Variants in TMPRSS5 observed in about 807,000 individuals in gnomAD.
TMPRSS5 encodes transmembrane serine protease 5, also known as transmembrane protease serine 5.
Under a neutral mutation model 59.7 loss-of-function variants are expected in TMPRSS5, and 45 were observed. The ratio of observed to expected loss-of-function variants is 0.75; its 90% CI spans 0.59 to 0.97. The LOEUF (loss-of-function observed/expected upper bound fraction) is 0.97, where lower values mean the gene tolerates loss of function less well. TMPRSS5 is among the 50% of genes least tolerant of loss of function. The pLI is 0.00. For missense variants in TMPRSS5, 585 were observed against 596.7 expected, an observed-to-expected ratio of 0.98 and a Z score of 0.20; for synonymous variants, 225 against 232.0, an observed-to-expected ratio of 0.97 and a Z score of 0.27.
intron 10 of TMPRSS5, 148 bp from the exon 11 acceptor site, chr11:113,690,521 G>T: frequency 8.0e-7 from 1 of 1,257,730 alleles, no homozygotes; most frequent in Non-Finnish European, 1.1e-6. Flanking sequence ...GAGCAAGGAA[G>T]CAGTAGGCTA....
chr11:113,694,987 A>G (rs1454496314), intron 7 of TMPRSS5, among the ~76,000 whole-genome samples: 2 of 152,194 alleles, frequency 1.3e-5, no homozygotes, highest in Admixed American at 6.5e-5. Context: ...GGGAAGACCA[A>G]TGAAAGGAAC....
chr11:113,696,930 AGTTTGATGTCAGTGAG>A lies in TMPRSS5; in HGVS notation c.490_505del (p.Leu164SerfsTer50). The A allele has an allele frequency of 6.3e-7, 1 of 1,582,058 alleles. No homozygotes were observed. The highest frequency in any genetic ancestry group is 1.2e-5 in the South Asian group (1 of 86,042). ...CTGAGCAAACTCCTGGGAACTGTTGAGTTTGATGTCAGTGAGGTTTACTCCCTTGTGGTGAGTGAGT... is the reference window on the plus strand; with the variant it reads ...CTGAGCAAACTCCTGGGAACTGTTGAGTTTACTCCCTTGTGGTGAGTGAGT... On this transcript the variant is annotated frameshift_variant, in exon 6 of 13. Transcript: ENST00000299882. LOFTEE classifies it high-confidence loss of function.
chr11:113,700,153 C>A lies in TMPRSS5; in HGVS notation c.19G>T (p.Asp7Tyr). The A allele has an allele frequency of 6.4e-7, 1 of 1,572,554 alleles. No individual in the cohort carries two copies. The highest frequency in any genetic ancestry group is 8.6e-7 in the Non-Finnish European group (1 of 1,157,340). Residue 7 changes from aspartate (D) to tyrosine (Y), a missense_variant, in exon 2 of 13, where the codon GAC becomes TAC. Physicochemically the swap from Asp to Tyr is radical, Grantham distance 160. Coordinates refer to ENST00000299882, the MANE Select transcript of TMPRSS5 (RefSeq NM_030770.4). Reference sequence around the variant, plus strand: ...TACTGGGCCTCCATAGGGGGTTGGTCATCCAGCATCAGGCTCTGGGGAAAT... The same window carrying A: ...TACTGGGCCTCCATAGGGGGTTGGTAATCCAGCATCAGGCTCTGGGGAAAT... MSLMLD[D>Y]QPPMEAQYAE... is the part of the protein sequence containing the mutation.
chr11:113,701,462 T>C (rs1372963632), intron 1 of TMPRSS5, among the ~76,000 whole-genome samples: 2 of 147,924 alleles, frequency 1.4e-5, no homozygotes, highest in Admixed American at 6.9e-5. Flanking sequence ...CCTAGAGATC[T>C]GTGGAACTTT....
intron 9 of TMPRSS5, 44 bp downstream of exon 9, chr11:113,693,022 CTCTCT>C: frequency 3.3e-6 from 5 of 1,496,988 alleles, no homozygotes; most frequent in Non-Finnish European, 3.6e-6. Flanking sequence ...AGCCCCCGCC[CTCTCT>C]CGCCATAGTC....
At position 113,690,894 on chromosome 11, in the gene TMPRSS5, G is replaced by A. The variant is rs201233178; in HGVS notation, c.1010C>T (p.Pro337Leu). ...VCLPAKEQHF[P>L]KGSRCWVSGW... is the part of the protein sequence containing the mutation. The stretch of plus-strand genomic sequence containing the variant: ...AGACACCCAGCACCGCGAGCCCTTC[G>A]GAAAATGCTGTTCCTTGGCCGGCAG... The change falls in exon 10 of 13, where the codon CCG (proline) becomes CTG (leucine). Residue 337 changes from proline to leucine, a missense_variant. By Grantham distance (98) the Pro-to-Leu change is moderately conservative. Transcript: ENST00000299882. 732 of 1,597,912 alleles carry A rather than the reference G, an allele frequency of 4.6e-4. No homozygotes were observed. Among genetic ancestry groups the A allele is most frequent in the Admixed American group, 1.5e-3 (84 of 57,446 alleles).
chr11:113,693,016 C>T (rs45613933), intron 9 of TMPRSS5, 55 bp downstream of exon 9: 1 of 1,358,604 alleles, frequency 7.4e-7, no homozygotes, highest in Non-Finnish European at 1.0e-6. Flanking sequence ...CCACCCAGCC[C>T]CCGCCCTCTC....
intron 1 of TMPRSS5, among the ~76,000 whole-genome samples, chr11:113,701,923 C>T (rs1297708022): frequency 6.6e-6 from 1 of 152,032 alleles, no homozygotes; most frequent in Non-Finnish European, 1.5e-5. Flanking sequence ...TGTATGCATT[C>T]GGTATTTGTC....
intron 1 of TMPRSS5, among the ~76,000 whole-genome samples, chr11:113,702,595 C>G (rs1480715698): frequency 1.3e-5 from 2 of 152,206 alleles, no homozygotes; most frequent in African/African-American, 2.4e-5. Context: ...GAAAATATCT[C>G]CAGGGCATGT....
chr11:113,699,664 G>C lies in TMPRSS5; in HGVS notation c.136C>G (p.Arg46Gly), dbSNP rs374718702. ...GCTCCCAGCACTGCACAGCCACGTCGCATGGAACGCCAGCACACTGCCTGA... is the reference window on the plus strand; with the variant it reads ...GCTCCCAGCACTGCACAGCCACGTCCCATGGAACGCCAGCACACTGCCTGA... ...ISQAVCWRSM[R>G]RGCAVLGALG... The change falls in exon 3 of 13, where the codon CGA becomes GGA. Residue 46 changes from arginine to glycine, a missense_variant. Physicochemically the swap from Arg to Gly is moderately radical, Grantham distance 125. Transcript: ENST00000299882. 1.9e-6 allele frequency: 3 copies of C among 1,582,598 alleles called. No individual in the cohort carries two copies. In the African/African-American group the frequency reaches 4.0e-5, roughly 21 times the overall value.
At chr11:113,694,362 CT>C in intron 8 of TMPRSS5, 115 bp downstream of exon 8, 1 of 1,141,756 alleles carries the variant, frequency 8.8e-7, no homozygotes, top group Non-Finnish European at 1.2e-6. Flanking sequence ...CAGTCTTACC[CT>C]TTTGGAGCAA....
intron 11 of TMPRSS5, 43 bp from the exon 12 acceptor site, chr11:113,689,960 G>GT: frequency 6.7e-7 from 1 of 1,499,908 alleles, no homozygotes; most frequent in Non-Finnish European, 8.9e-7. Flanking sequence ...CAGCCAGTTA[G>GT]TTCTTCCTGA....
chr11:113,697,514 C>G (rs759323856), intron 4 of TMPRSS5, 96 bp from the exon 5 acceptor site: 1 of 1,429,852 alleles, frequency 7.0e-7, no homozygotes. Flanking sequence ...CTTGAAGAGG[C>G]CTTAATGACA....
At chr11:113,702,457 A>C (rs970274059) in intron 1 of TMPRSS5, among the ~76,000 whole-genome samples, 17 of 152,216 alleles carry the variant, frequency 1.1e-4, no homozygotes, top group African/African-American at 3.6e-4. Flanking sequence ...AGAGCATAAA[A>C]GGTTGGAAAA....
intron 5 of TMPRSS5, 123 bp from the exon 6 acceptor site, chr11:113,697,094 A>T (rs1952949193): frequency 5.8e-6 from 7 of 1,196,900 alleles, no homozygotes; most frequent in Non-Finnish European, 4.8e-6. Flanking sequence ...GCTTGTTAAA[A>T]AGCAGTAATA....
chr11:113,705,005 T>C (rs1352768370), intron 1 of TMPRSS5, among the ~76,000 whole-genome samples: 1 of 152,156 alleles, frequency 6.6e-6, no homozygotes, highest in South Asian at 2.1e-4. Context: ...ACCTAAGCTG[T>C]GGATCCTTCC....
chr11:113,702,051 TGTTTCTGTGTTA>T (rs147618599), intron 1 of TMPRSS5, among the ~76,000 whole-genome samples: 12,826 of 152,092 alleles, frequency 0.084, 685 homozygotes, highest in African/African-American at 0.16. Context: ...GAACATGTGG[TGTTTCTGTGTTA>T]GTCTGCTGAG....
rs1357033287 is a variant in TMPRSS5 at position 113,702,296 on chromosome 11, T to C, written c.4-2128A>G. 2.0e-5 allele frequency among the ~76,000 whole-genome samples: 3 copies of C among 152,230 alleles called. No individual in the cohort carries two copies. The South Asian group carries it at 6.2e-4, about 32-fold the overall frequency. ...GTAAGATGATTTATAATCCTTTCAGTATATACACAGTAATGGGATTGCTGG... is the reference window on the plus strand; with the variant it reads ...GTAAGATGATTTATAATCCTTTCAGCATATACACAGTAATGGGATTGCTGG... On this transcript the variant is annotated intron_variant, in intron 1 of 12. Transcript: ENST00000299882.
intron 9 of TMPRSS5, among the ~76,000 whole-genome samples, chr11:113,692,102 G>A (rs1381176471): frequency 6.6e-6 from 1 of 151,992 alleles, no homozygotes; most frequent in African/African-American, 2.4e-5. Context: ...TGGCCAGGCT[G>A]GCCTTGAACT....
Sources: gnomAD v4.1 joint callset for allele counts (sites outside exome capture counted in the v4.1 genomes callset) on GRCh38, gnomAD v4.1.1 for gene constraint, MANE v1.5 for transcripts, NCBI Gene and HGNC (gene_info 2026-07-23, HGNC 2026-07-21) for gene names.